Variants in WRN observed in about 807,000 individuals in gnomAD.
WRN encodes the protein bifunctional 3'-5' exonuclease/ATP-dependent helicase WRN.
WRN carries 149 observed loss-of-function variants against 180.7 expected under a neutral mutation model. That is an observed-to-expected ratio of 0.82 (90% CI 0.72 to 0.94). WRN has a LOEUF of 0.94. WRN is among the 40% of genes least tolerant of loss of function. WRN has a pLI of 0.00. For synonymous variants in WRN, 548 were observed against 568.9 expected (o/e 0.96, Z 0.52); for missense variants, 1,661 against 1,700.1 (o/e 0.98, Z 0.40).
rs2130470364 is a variant in WRN at position 31,154,705 on chromosome 8, C to T, written c.3769C>T (p.Gln1257Ter). Reference sequence around the variant, plus strand: ...AAAAAATAAAATATGCACACTTTCACAGTCTATGGCCATCACATACTCTTT... The same window carrying T: ...AAAAAATAAAATATGCACACTTTCATAGTCTATGGCCATCACATACTCTTT... ...VAKNKICTLSQSMAITYSLFQ... is the reference protein window; with the variant it reads ...VAKNKICTLS Residue 1257 changes from glutamine to a stop codon, truncating the protein, a stop_gained, in exon 32 of 35, where the codon CAG (glutamine) becomes TAG (stop). Coordinates refer to ENST00000298139, the MANE Select transcript of WRN (RefSeq NM_000553.6). LOFTEE classifies it high-confidence loss of function. 1 of 1,613,560 alleles carries T rather than the reference C, an allele frequency of 6.2e-7. No homozygotes were observed. The highest frequency in any genetic ancestry group is 8.5e-7 in the Non-Finnish European group (1 of 1,179,714).
At chr8:31,095,719 C>G (rs1469242223) in intron 16 of WRN, among the ~76,000 whole-genome samples, 1 of 152,170 alleles carries the variant, frequency 6.6e-6, no homozygotes, top group African/African-American at 2.4e-5. Context: ...TTGCTGCACT[C>G]TCTATTCTGT....
intron 34 of WRN, among the ~76,000 whole-genome samples, chr8:31,169,731 T>G (rs1804032282): frequency 6.6e-6 from 1 of 152,212 alleles, no homozygotes; most frequent in African/African-American, 2.4e-5. Context: ...GTTTATGAGA[T>G]CTACTCTGCC....
chr8:31,122,003 G>T (rs1270600304), intron 21 of WRN, among the ~76,000 whole-genome samples: 1 of 151,870 alleles, frequency 6.6e-6, no homozygotes, highest in Non-Finnish European at 1.5e-5. Flanking sequence ...TTTGTTAAAG[G>T]TACTGAGGAC....
chr8:31,066,369 G>A (rs1812705032), intron 5 of WRN, among the ~76,000 whole-genome samples: 1 of 151,564 alleles, frequency 6.6e-6, no homozygotes, highest in Non-Finnish European at 1.5e-5. Context: ...ATTTTTTTTA[G>A]TAGAGACGAG....
chr8:31,140,466 T>C lies in WRN; in HGVS notation c.2968-964T>C, dbSNP rs527812479. ...TGTTAGAGAACAACAGAATTGCATA[T>C]GACAGACTAGCTTTCTTAATATTTC... On this transcript the variant is annotated intron_variant, in intron 24 of 34. Coordinates refer to ENST00000298139, the MANE Select transcript of WRN (RefSeq NM_000553.6). Among the ~76,000 whole-genome samples, 39 of 152,342 alleles carry C rather than the reference T, an allele frequency of 2.6e-4. No homozygotes were observed. The East Asian group carries it at 7.3e-3, about 29-fold the overall frequency.
chr8:31,061,336 AT>A lies in WRN; in HGVS notation c.209+2080del, dbSNP rs201983350. Among the ~76,000 whole-genome samples, 8 of 150,598 alleles carry A rather than the reference AT, an allele frequency of 5.3e-5. No homozygotes were observed. The East Asian group carries it at 5.8e-4, about 11-fold the overall frequency. On this transcript the variant is annotated intron_variant, in intron 3 of 34. Transcript: ENST00000298139. ...CTCTAGAAGTCCCATTTGGTTCTTAATTTTTTTTTCCATTTTGGCTCTCATT... is the reference window on the plus strand; with the variant it reads ...CTCTAGAAGTCCCATTTGGTTCTTAATTTTTTTTCCATTTTGGCTCTCATT...
intron 1 of WRN, among the ~76,000 whole-genome samples, chr8:31,036,722 A>G (rs1585379069): frequency 1.3e-5 from 2 of 151,764 alleles, no homozygotes; most frequent in Middle Eastern, 3.4e-3. Context: ...TTTTTTTGCT[A>G]TTGAGTTGTT....
In WRN at chr8:31,123,135, C is replaced by G. The variant is rs190152244; in HGVS notation, c.2631-1387C>G. Among the ~76,000 whole-genome samples, 118 of 151,962 alleles carry G rather than the reference C, an allele frequency of 7.8e-4. 2 individuals are homozygous for G. Among genetic ancestry groups the G allele is most frequent in the African/African-American group, 2.8e-3 (117 of 41,458 alleles). ...GAAATTTTGTGCCATCCCACTCAGTCTGCCTCGACTTCCCTTAGAATCATC... is the reference window on the plus strand; with the variant it reads ...GAAATTTTGTGCCATCCCACTCAGTGTGCCTCGACTTCCCTTAGAATCATC... On this transcript the variant is annotated intron_variant, in intron 21 of 34. Coordinates refer to ENST00000298139, the MANE Select transcript of WRN (RefSeq NM_000553.6).
chr8:31,070,621 T>G, intron 7 of WRN, among the ~76,000 whole-genome samples: 2 of 151,262 alleles, frequency 1.3e-5, no homozygotes, highest in South Asian at 2.1e-4. Flanking sequence ...TGTAGGGAGA[T>G]GAGTCTTATG....
rs757887910 is a variant in WRN at position 31,116,342 on chromosome 8, C to T, written c.2274-12C>T. On this transcript the variant is annotated splice_polypyrimidine_tract_variant and intron_variant, in intron 19 of 34. Transcript: ENST00000298139. ...TATATATGTTTGCTCTTTTGTTCTT[C>T]TTTTTCTTTAGTTCCCACTGGGAAT... The T allele has an allele frequency of 6.2e-6, 10 of 1,613,386 alleles. No individual in the cohort carries two copies. Among genetic ancestry groups the T allele is most frequent in the African/African-American group, 4.0e-5 (3 of 74,892 alleles).
chr8:31,166,458 TAAG>T (rs1273630596), intron 33 of WRN, among the ~76,000 whole-genome samples: 1 of 152,132 alleles, frequency 6.6e-6, no homozygotes, highest in Non-Finnish European at 1.5e-5. Flanking sequence ...ATTCTGAAAA[TAAG>T]AAATATGTTC....
At position 31,141,563 on chromosome 8, in the gene WRN, A is replaced by T. The variant is rs200370409; in HGVS notation, c.3101A>T (p.Tyr1034Phe). Reference protein sequence around the residue: ...TEGFLVEVSRYNKFMKICALT... With the variant: ...TEGFLVEVSRFNKFMKICALT... ...GGATTCTTGGTAGAAGTTTCTCGGT[A>T]TAACAAATTTATGAAGATTTGCGCC... Residue 1034 changes from tyrosine to phenylalanine, a missense_variant, in exon 25 of 35, where the codon TAT becomes TTT. By Grantham distance (22) the Tyr-to-Phe change is conservative. Coordinates refer to ENST00000298139, the MANE Select transcript of WRN (RefSeq NM_000553.6). 367 of 1,614,178 alleles carry T rather than the reference A, an allele frequency of 2.3e-4. No homozygotes were observed. The Middle Eastern group carries it at 3.5e-3, about 15-fold the overall frequency.
intron 28 of WRN, among the ~76,000 whole-genome samples, chr8:31,144,729 C>T: frequency 6.6e-6 from 1 of 152,128 alleles, no homozygotes; most frequent in East Asian, 1.9e-4. Context: ...GAAGCCATGT[C>T]GAAAGCTGAG....
chr8:31,116,827 G>C (rs1353941572), intron 20 of WRN, among the ~76,000 whole-genome samples: 1 of 152,142 alleles, frequency 6.6e-6, no homozygotes, highest in Non-Finnish European at 1.5e-5. Context: ...AAGTATGCCA[G>C]GCCAGTAGGT....
chr8:31,146,744 G>A (rs1802870218), intron 28 of WRN, among the ~76,000 whole-genome samples: 2 of 152,134 alleles, frequency 1.3e-5, no homozygotes, highest in Admixed American at 6.5e-5. Flanking sequence ...TCTTCAGTAT[G>A]GATGAAAGAA....
chr8:31,150,761 G>C (rs1346821385), intron 31 of WRN, among the ~76,000 whole-genome samples: 2 of 152,108 alleles, frequency 1.3e-5, no homozygotes, highest in African/African-American at 4.8e-5. Flanking sequence ...ATTCAAATGT[G>C]GTAGTTGGAA....
chr8:31,164,218 T>C (rs1378856426), intron 33 of WRN, among the ~76,000 whole-genome samples: 1 of 152,184 alleles, frequency 6.6e-6, no homozygotes, highest in African/African-American at 2.4e-5. Flanking sequence ...TGGATTCTTA[T>C]TTTTTCTTTA....
At chr8:31,042,548 A>G (rs1483449449) in intron 1 of WRN, among the ~76,000 whole-genome samples, 1 of 152,252 alleles carries the variant, frequency 6.6e-6, no homozygotes, top group East Asian at 1.9e-4. Flanking sequence ...TTGTAGGAGT[A>G]GTAGGTGCCT....
Position 31,098,330 on chromosome 8 carries a change from C to T in WRN, c.1981+1480C>T, listed in dbSNP as rs992703650. Among the ~76,000 whole-genome samples the T allele has an allele frequency of 8.6e-5, 13 of 151,980 alleles. No individual in the cohort carries two copies. In the East Asian group the frequency reaches 1.2e-3, roughly 14 times the overall value. Reference sequence around the variant, plus strand: ...GTCTATGTCCATAGTGGTTTGGGTACGTTTTTACTATTTGCTTTGTTTCTG... The same window carrying T: ...GTCTATGTCCATAGTGGTTTGGGTATGTTTTTACTATTTGCTTTGTTTCTG... On this transcript the variant is annotated intron_variant, in intron 17 of 34. Transcript: ENST00000298139.
Sources: gnomAD v4.1 joint callset for allele counts (sites outside exome capture counted in the v4.1 genomes callset) on GRCh38, gnomAD v4.1.1 for gene constraint, MANE v1.5 for transcripts, NCBI Gene and HGNC (gene_info 2026-07-23, HGNC 2026-07-21) for gene names.